The following HS3ST5 variants were observed in gnomAD, a reference collection of about 807,000 sequenced individuals.
HS3ST5 encodes heparan sulfate-glucosamine 3-sulfotransferase 5, also known as heparan sulfate glucosamine 3-O-sulfotransferase 5.
In HS3ST5, 10 loss-of-function variants were observed where a neutral mutation model predicts 25.4. The observed-to-expected ratio is 0.39, with a 90% CI of 0.24 to 0.67. HS3ST5 has a LOEUF of 0.67. Among genes scored for constraint, HS3ST5 ranks in the 30% least tolerant of loss-of-function variants. The pLI, the probability that HS3ST5 is intolerant of heterozygous loss-of-function variation, is 0.44. For missense variants in HS3ST5, 324 were observed against 420.7 expected, an observed-to-expected ratio of 0.77 and a Z score of 2.01; for synonymous variants, 170 against 162.4, an observed-to-expected ratio of 1.05 and a Z score of -0.36.
At chr6:114,296,450 G>T (rs1774826904) in intron 1 of HS3ST5, among the ~76,000 whole-genome samples, 1 of 152,154 alleles carries the variant, frequency 6.6e-6, no homozygotes, top group Admixed American at 6.5e-5. Context: ...GAATCAAAAT[G>T]TATTCATCCA....
At chr6:114,303,128 G>A (rs376613496) in intron 1 of HS3ST5, among the ~76,000 whole-genome samples, 1 of 152,046 alleles carries the variant, frequency 6.6e-6, no homozygotes, top group Non-Finnish European at 1.5e-5. Flanking sequence ...CACCAAGTCC[G>A]GCCTCAACTC....
intron 1 of HS3ST5, among the ~76,000 whole-genome samples, chr6:114,252,185 A>C (rs543221855): frequency 2.6e-5 from 4 of 152,198 alleles, no homozygotes; most frequent in African/African-American, 9.6e-5. Context: ...GTACTCTAAC[A>C]CTGTAAGTGT....
chr6:114,319,310 C>T (rs796499577), intron 1 of HS3ST5, among the ~76,000 whole-genome samples: 34 of 152,212 alleles, frequency 2.2e-4, no homozygotes, highest in African/African-American at 8.2e-4. Context: ...AAAGATATTA[C>T]TCCTGGGAAT....
At chr6:114,060,491 G>A (rs935054110) in intron 4 of HS3ST5, among the ~76,000 whole-genome samples, 2 of 152,186 alleles carry the variant, frequency 1.3e-5, no homozygotes, top group African/African-American at 4.8e-5. Flanking sequence ...AATAATACAA[G>A]TTCATCTTTC....
chr6:114,064,152 T>C (rs1773314678), intron 3 of HS3ST5, among the ~76,000 whole-genome samples: 1 of 152,200 alleles, frequency 6.6e-6, no homozygotes, highest in Non-Finnish European at 1.5e-5. Flanking sequence ...CAATGAGTCA[T>C]GGTTAGAAAT....
At chr6:114,279,327 A>G (rs531880167) in intron 1 of HS3ST5, among the ~76,000 whole-genome samples, 2 of 152,176 alleles carry the variant, frequency 1.3e-5, no homozygotes, top group East Asian at 3.9e-4. Flanking sequence ...TGTTCTTAAT[A>G]TAGTACAAGA....
At chr6:114,340,596 GACCAAA>G (rs1182725240) in intron 1 of HS3ST5, 1 of 152,142 alleles carries the variant, frequency 6.6e-6, no homozygotes, top group African/African-American at 2.4e-5. Context: ...TTTGAGCAAT[GACCAAA>G]CAGAGAGAGG....
chr6:114,277,046 C>G lies in HS3ST5; in HGVS notation c.-338-48268G>C, dbSNP rs116880770. On this transcript the variant is annotated intron_variant, in intron 1 of 4. Transcript: ENST00000312719. ...TTTTCAGCTTTACCCTTTCCCCAGT[C>G]TGACTTTCTCTCACCTCAATGGAAA... Among the ~76,000 whole-genome samples, 63 of 152,056 alleles carry G rather than the reference C, an allele frequency of 4.1e-4. 2 individuals carry two copies. The East Asian group carries it at 0.011, about 28-fold the overall frequency.
chr6:114,084,661 G>T, intron 3 of HS3ST5: 1 of 1,123,816 alleles, frequency 8.9e-7, no homozygotes, highest in Non-Finnish European at 1.3e-6. Context: ...GAGGCTGATG[G>T]TCAGCCCTGG....
At chr6:114,149,522 G>C (rs62415762) in intron 3 of HS3ST5, among the ~76,000 whole-genome samples, 10,844 of 152,180 alleles carry the variant, frequency 0.071, 440 homozygotes, top group African/African-American at 0.09. Context: ...ATAAGTGGGA[G>C]TTGAACAATG....
Position 114,115,782 on chromosome 6 carries a change from C to G in HS3ST5, c.-33+52569G>C, listed in dbSNP as rs374109862. On this transcript the variant is annotated intron_variant, in intron 3 of 4. Transcript: ENST00000312719. The stretch of plus-strand genomic sequence containing the variant: ...TTCTATGATTGACGGTGGTAAATGA[C>G]AGATAGAGTTCAATACAGTTCTGTG... Among the ~76,000 whole-genome samples the G allele has an allele frequency of 1.8e-4, 27 of 151,992 alleles. 1 individual carries two copies. In the East Asian group the frequency reaches 2.7e-3, roughly 15 times the overall value.
chr6:114,269,664 T>A (rs957452511), intron 1 of HS3ST5, among the ~76,000 whole-genome samples: 1 of 152,172 alleles, frequency 6.6e-6, no homozygotes, highest in African/African-American at 2.4e-5. Context: ...GATTAAATAA[T>A]AATGAAATAT....
intron 1 of HS3ST5, among the ~76,000 whole-genome samples, chr6:114,310,324 A>G (rs1293926320): frequency 6.6e-6 from 1 of 152,226 alleles, no homozygotes; most frequent in Non-Finnish European, 1.5e-5. Context: ...GTAGTTGTGT[A>G]AGAAAAGGTT....
chr6:114,337,470 T>C (rs1776655390), intron 1 of HS3ST5, among the ~76,000 whole-genome samples: 1 of 152,200 alleles, frequency 6.6e-6, no homozygotes, highest in Admixed American at 6.5e-5. Context: ...ATGGGAAGCA[T>C]AAAACATTCA....
chr6:114,146,954 G>A (rs968991480), intron 3 of HS3ST5, among the ~76,000 whole-genome samples: 2 of 152,158 alleles, frequency 1.3e-5, no homozygotes, highest in Non-Finnish European at 2.9e-5. Context: ...TTTCTTTATG[G>A]CATGCAAGAA....
chr6:114,135,379 A>G (rs2114918531), intron 3 of HS3ST5, among the ~76,000 whole-genome samples: 1 of 152,308 alleles, frequency 6.6e-6, no homozygotes, highest in Middle Eastern at 3.4e-3. Flanking sequence ...AGGAGGAAGA[A>G]GGGGTGATGA....
intron 1 of HS3ST5, among the ~76,000 whole-genome samples, chr6:114,247,191 T>C (rs1428190647): frequency 6.6e-6 from 1 of 152,210 alleles, no homozygotes; most frequent in Non-Finnish European, 1.5e-5. Context: ...ACACTGTTGT[T>C]AATCTTGTTG....
intron 2 of HS3ST5, among the ~76,000 whole-genome samples, chr6:114,214,206 C>T (rs1157653702): frequency 6.6e-6 from 1 of 152,250 alleles, no homozygotes; most frequent in Non-Finnish European, 1.5e-5. Flanking sequence ...TGTAGACTTA[C>T]AGACAAGTTG....
chr6:114,122,783 G>A (rs1776856525), intron 3 of HS3ST5, among the ~76,000 whole-genome samples: 1 of 152,184 alleles, frequency 6.6e-6, no homozygotes, highest in South Asian at 2.1e-4. Flanking sequence ...AAGGAACACA[G>A]GGATGACTTG....
Sources: gnomAD v4.1 joint callset for allele counts (sites outside exome capture counted in the v4.1 genomes callset) on GRCh38, gnomAD v4.1.1 for gene constraint, MANE v1.5 for transcripts, NCBI Gene and HGNC (gene_info 2026-07-23, HGNC 2026-07-21) for gene names.